NLGN4X: variants seen among roughly 807,000 people sequenced by gnomAD.
The protein encoded by NLGN4X is neuroligin 4 X-linked, also known as neuroligin-4, X-linked.
A neutral mutation model predicts 40.3 loss-of-function variants in NLGN4X; 3 were observed. The ratio of observed to expected loss-of-function variants is 0.07; its 90% CI spans 0.03 to 0.19. The LOEUF (loss-of-function observed/expected upper bound fraction) is 0.19, where lower values mean the gene tolerates loss of function less well. NLGN4X is among the 10% of genes least tolerant of loss of function. The pLI, the probability that NLGN4X is intolerant of heterozygous loss-of-function variation, is 1.00. For missense variants in NLGN4X, 382 were observed against 708.3 expected (o/e 0.54, Z 5.23); for synonymous variants, 270 against 306.8 (o/e 0.88, Z 1.25).
intron 3 of NLGN4X, among the ~76,000 whole-genome samples, chrX:5,921,142 TATATAC>T (rs1317164345): frequency 2.1e-5 from 1 of 47,667 alleles, no homozygotes; most frequent in Non-Finnish European, 3.3e-5. Flanking sequence ...TTTATATATA[TATATAC>T]ATATATATAT....
chrX:6,194,043 G>A (rs1324644475), intron 1 of NLGN4X, among the ~76,000 whole-genome samples: 1 of 111,507 alleles, frequency 9.0e-6, no homozygotes, highest in African/African-American at 3.3e-5. Context: ...TTAGCTGGAT[G>A]TGGCGGCATG....
intron 2 of NLGN4X, among the ~76,000 whole-genome samples, chrX:6,058,050 T>C (rs1248345033): frequency 9.0e-6 from 1 of 111,444 alleles, no homozygotes; most frequent in Non-Finnish European, 1.9e-5. Context: ...TTGCAATTTT[T>C]CAGAAGGGTA....
chrX:6,106,400 A>G (rs1167348005), intron 2 of NLGN4X, among the ~76,000 whole-genome samples: 1 of 111,725 alleles, frequency 9.0e-6, no homozygotes, highest in African/African-American at 3.3e-5. Context: ...ATCCATGCAT[A>G]CTGTATGGAA....
intron 2 of NLGN4X, among the ~76,000 whole-genome samples, chrX:6,097,231 C>T (rs899482259): frequency 2.8e-5 from 2 of 70,197 alleles, no homozygotes; most frequent in Non-Finnish European, 5.5e-5. Context: ...TCTCAGCTTT[C>T]TTGGCTTTTT....
At chrX:5,897,578 C>G (rs2031571095) in intron 5 of NLGN4X, among the ~76,000 whole-genome samples, 1 of 111,851 alleles carries the variant, frequency 8.9e-6, no homozygotes, top group Admixed American at 9.5e-5. Context: ...AACATTGAAA[C>G]ACCTCCTTGC....
At position 6,127,286 on chromosome X, in the gene NLGN4X, C is replaced by T. The variant is rs142558498; in HGVS notation, c.472+23709G>A. Among the ~76,000 whole-genome samples, 962 of 112,297 alleles carry T rather than the reference C, an allele frequency of 8.6e-3. 3 individuals are homozygous for T. The highest frequency in any genetic ancestry group is 0.014 in the Admixed American group (145 of 10,626). On this transcript the variant is annotated intron_variant, in intron 2 of 5. Coordinates refer to ENST00000381095, the MANE Select transcript of NLGN4X (RefSeq NM_181332.3). Reference sequence around the variant, plus strand: ...CAAGTTGCATGCCATTTATCCCTATCAAGGTCCTGGCTGACACCACAAATC... The same window carrying T: ...CAAGTTGCATGCCATTTATCCCTATTAAGGTCCTGGCTGACACCACAAATC...
chrX:5,907,937 A>G (rs142082440), intron 4 of NLGN4X, among the ~76,000 whole-genome samples: 1,830 of 102,305 alleles, frequency 0.018, 45 homozygotes, highest in African/African-American at 0.061. Flanking sequence ...GGGGGGAAAG[A>G]GAGAGAGGAA....
intron 2 of NLGN4X, among the ~76,000 whole-genome samples, chrX:6,147,966 G>A (rs1335528676): frequency 8.9e-6 from 1 of 111,905 alleles, no homozygotes; most frequent in East Asian, 2.8e-4. Context: ...CATGATGCCA[G>A]TTTAAATGAA....
intron 2 of NLGN4X, among the ~76,000 whole-genome samples, chrX:6,144,322 G>C (rs886515205): frequency 2.7e-5 from 3 of 111,027 alleles, no homozygotes; most frequent in Non-Finnish European, 5.7e-5. Flanking sequence ...AACAACTTCA[G>C]AGACTCTGAA....
intron 1 of NLGN4X, among the ~76,000 whole-genome samples, chrX:6,162,333 C>T (rs768115787): frequency 4.5e-4 from 50 of 111,750 alleles, no homozygotes; most frequent in African/African-American, 1.6e-3. Context: ...AGTATTGATC[C>T]TGGGTGTGTC....
intron 3 of NLGN4X, among the ~76,000 whole-genome samples, chrX:5,982,937 C>T (rs866663411): frequency 4.5e-5 from 5 of 112,208 alleles, no homozygotes; most frequent in Non-Finnish European, 9.4e-5. Flanking sequence ...AGCTAGATGC[C>T]CAGCACACAA....
At chrX:5,924,104 T>C (rs1223766102) in intron 3 of NLGN4X, among the ~76,000 whole-genome samples, 2 of 111,460 alleles carry the variant, frequency 1.8e-5, no homozygotes, top group African/African-American at 6.5e-5. Context: ...CAGAATGCAT[T>C]TTATCTAATT....
chrX:5,931,250 T>A (rs190151587), intron 3 of NLGN4X, among the ~76,000 whole-genome samples: 1 of 112,190 alleles, frequency 8.9e-6, no homozygotes, highest in East Asian at 2.8e-4. Context: ...ATTGTCATTA[T>A]GAATTACTTA....
intron 3 of NLGN4X, among the ~76,000 whole-genome samples, chrX:5,985,495 G>T (rs886556480): frequency 1.8e-5 from 2 of 109,651 alleles, no homozygotes; most frequent in African/African-American, 6.6e-5. Context: ...TGTTCCTCAG[G>T]CTGGTCTTGA....
chrX:6,054,237 A>G (rs756461432), intron 2 of NLGN4X, among the ~76,000 whole-genome samples: 2 of 112,053 alleles, frequency 1.8e-5, no homozygotes, highest in East Asian at 5.6e-4. Flanking sequence ...CCTAGAGAAC[A>G]AAAATGTGTG....
At chrX:6,121,907 C>T (rs756658700) in intron 2 of NLGN4X, among the ~76,000 whole-genome samples, 44 of 112,365 alleles carry the variant, frequency 3.9e-4, no homozygotes, top group African/African-American at 1.4e-3. Context: ...TTCGTTATTC[C>T]GAATGAAGAA....
chrX:6,148,452 C>T (rs182356915), intron 2 of NLGN4X, among the ~76,000 whole-genome samples: 2 of 111,674 alleles, frequency 1.8e-5, no homozygotes, highest in East Asian at 2.8e-4. Context: ...GTTGTGGATG[C>T]GGAGTTCATT....
chrX:6,005,023 A>T (rs887178019), intron 3 of NLGN4X, among the ~76,000 whole-genome samples: 1 of 112,188 alleles, frequency 8.9e-6, no homozygotes, highest in Non-Finnish European at 1.9e-5. Context: ...CAAGAAAACA[A>T]CACTTGGTTA....
intron 2 of NLGN4X, among the ~76,000 whole-genome samples, chrX:6,129,190 C>G (rs772277245): frequency 8.9e-6 from 1 of 112,227 alleles, no homozygotes; most frequent in Non-Finnish European, 1.9e-5. Flanking sequence ...AACAACAGGT[C>G]GACCATCCAC....
Sources: allele counts gnomAD v4.1 joint callset (sites outside exome capture counted in the v4.1 genomes callset), GRCh38; gene constraint gnomAD v4.1.1; transcripts MANE v1.5; gene names NCBI Gene and HGNC (gene_info 2026-07-23, HGNC 2026-07-21).